The following FBXL7 variants were observed in gnomAD, a reference collection of about 807,000 sequenced individuals.
FBXL7 encodes the protein F-box and leucine rich repeat protein 7.
A neutral mutation model predicts 38.3 loss-of-function variants in FBXL7; 12 were observed. That is an observed-to-expected ratio of 0.31 (90% CI 0.20 to 0.51). FBXL7 has a LOEUF of 0.51. FBXL7 is among the 20% of genes least tolerant of loss of function. The probability of loss-of-function intolerance (pLI) is 0.98; values close to 1 mark genes in which losing one functional copy is unlikely to be tolerated. For missense variants in FBXL7, 567 were observed against 676.4 expected, an observed-to-expected ratio of 0.84 and a Z score of 1.79; for synonymous variants, 297 against 300.9, an observed-to-expected ratio of 0.99 and a Z score of 0.13.
At chr5:15,563,479 C>T (rs1026992567) in intron 1 of FBXL7, among the ~76,000 whole-genome samples, 2 of 152,082 alleles carry the variant, frequency 1.3e-5, no homozygotes, top group African/African-American at 4.8e-5. Flanking sequence ...GCTGCTAAAG[C>T]GTCTTTCACA....
intron 2 of FBXL7, among the ~76,000 whole-genome samples, chr5:15,658,582 G>A (rs561855756): frequency 2.1e-4 from 32 of 152,238 alleles, no homozygotes; most frequent in Non-Finnish European, 3.8e-4. Context: ...TGGGAGCATC[G>A]GGAGACTCAT....
chr5:15,806,332 A>G (rs370405918), intron 2 of FBXL7, among the ~76,000 whole-genome samples: 5 of 152,340 alleles, frequency 3.3e-5, no homozygotes, highest in East Asian at 1.9e-4. Context: ...TTTGTGGATG[A>G]TTCATCTCAA....
intron 2 of FBXL7, among the ~76,000 whole-genome samples, chr5:15,725,609 A>G (rs1192169982): frequency 5.9e-5 from 9 of 152,112 alleles, no homozygotes; most frequent in Admixed American, 5.9e-4. Context: ...AAGAATGTGT[A>G]TGCTGTTAAT....
chr5:15,850,705 C>T (rs982393103), intron 2 of FBXL7, among the ~76,000 whole-genome samples: 1 of 152,152 alleles, frequency 6.6e-6, no homozygotes, highest in African/African-American at 2.4e-5. Flanking sequence ...CGGACATGTT[C>T]CCATTACCCA....
At chr5:15,851,089 T>C (rs1472626968) in intron 2 of FBXL7, among the ~76,000 whole-genome samples, 3 of 152,158 alleles carry the variant, frequency 2.0e-5, no homozygotes, top group Non-Finnish European at 4.4e-5. Flanking sequence ...CAGCATTGCT[T>C]GTGGAGCTAT....
At position 15,831,477 on chromosome 5, in the gene FBXL7, G is replaced by A. The variant is rs765443902; in HGVS notation, c.128-96413G>A. Among the ~76,000 whole-genome samples the A allele has an allele frequency of 1.4e-4, 22 of 152,162 alleles. 1 individual carries two copies. The highest frequency in any genetic ancestry group is 2.7e-4 in the African/African-American group (11 of 41,440). ...CAACAGCTAGCTAGCCTCACAGGGC[G>A]TCAGTATGATTCCCGGGAAAGAGGT... On this transcript the variant is annotated intron_variant, in intron 2 of 3. Transcript: ENST00000504595.
intron 1 of FBXL7, among the ~76,000 whole-genome samples, chr5:15,604,815 C>T (rs1739951974): frequency 6.6e-6 from 1 of 152,086 alleles, no homozygotes; most frequent in Non-Finnish European, 1.5e-5. Flanking sequence ...CGGCTCTCTC[C>T]ATCTCAGTTG....
intron 2 of FBXL7, among the ~76,000 whole-genome samples, chr5:15,923,132 T>C (rs1006022664): frequency 6.6e-6 from 1 of 152,256 alleles, no homozygotes; most frequent in African/African-American, 2.4e-5. Context: ...GTCTCTGATG[T>C]TCTCCTCTCT....
chr5:15,834,662 G>A lies in FBXL7; in HGVS notation c.128-93228G>A, dbSNP rs571112278. 2.1e-4 allele frequency among the ~76,000 whole-genome samples: 32 copies of A among 152,282 alleles called. No individual in the cohort carries two copies. The South Asian group carries it at 6.6e-3, about 32-fold the overall frequency. Reference sequence around the variant, plus strand: ...GCACATCTTTCTGATTATAAATCCCGTGGCCTTAACTGGCTTCTCTTCAAG... The same window carrying A: ...GCACATCTTTCTGATTATAAATCCCATGGCCTTAACTGGCTTCTCTTCAAG... On this transcript the variant is annotated intron_variant, in intron 2 of 3. Coordinates refer to ENST00000504595, the MANE Select transcript of FBXL7 (RefSeq NM_012304.5).
intron 2 of FBXL7, among the ~76,000 whole-genome samples, chr5:15,922,701 A>C (rs1239082770): frequency 6.6e-6 from 1 of 152,214 alleles, no homozygotes; most frequent in Non-Finnish European, 1.5e-5. Context: ...GCAGTGTTGT[A>C]GCATTCTTCC....
intron 2 of FBXL7, among the ~76,000 whole-genome samples, chr5:15,893,082 C>T (rs999851199): frequency 6.6e-6 from 1 of 150,406 alleles, no homozygotes; most frequent in Non-Finnish European, 1.5e-5. Flanking sequence ...CGCCACTGCA[C>T]TCCAGCCTGG....
chr5:15,797,883 A>C (rs1737458439), intron 2 of FBXL7, among the ~76,000 whole-genome samples: 1 of 152,214 alleles, frequency 6.6e-6, no homozygotes, highest in South Asian at 2.1e-4. Context: ...ACTTGAAGTC[A>C]TCTCAGTCAT....
intron 2 of FBXL7, among the ~76,000 whole-genome samples, chr5:15,643,133 A>G (rs1041481202): frequency 1.3e-5 from 2 of 152,224 alleles, no homozygotes; most frequent in Non-Finnish European, 2.9e-5. Flanking sequence ...AGACAGCTCA[A>G]GTTATGTAAA....
chr5:15,895,938 C>T lies in FBXL7; in HGVS notation c.128-31952C>T, dbSNP rs566428492. Among the ~76,000 whole-genome samples the T allele has an allele frequency of 5.3e-5, 8 of 151,936 alleles. No homozygotes were observed. In the South Asian group the frequency reaches 1.2e-3, roughly 24 times the overall value. ...GGATTACAGGCGTGAGCCACCGGCC[C>T]GGCCCCTTTTTCATACTTTTAAACC... On this transcript the variant is annotated intron_variant, in intron 2 of 3. Transcript: ENST00000504595.
chr5:15,601,959 A>C (rs1056980781), intron 1 of FBXL7, among the ~76,000 whole-genome samples: 5 of 152,126 alleles, frequency 3.3e-5, no homozygotes, highest in African/African-American at 1.2e-4. Flanking sequence ...CCCTTGATCT[A>C]ATATGACTGA....
intron 2 of FBXL7, among the ~76,000 whole-genome samples, chr5:15,780,891 CA>C (rs1192980012): frequency 6.6e-6 from 1 of 152,152 alleles, no homozygotes; most frequent in East Asian, 1.9e-4. Context: ...ACCACACAGC[CA>C]GGAAAATTCT....
At chr5:15,832,534 TAC>T (rs1464956857) in intron 2 of FBXL7, among the ~76,000 whole-genome samples, 2 of 152,180 alleles carry the variant, frequency 1.3e-5, no homozygotes, top group Non-Finnish European at 2.9e-5. Context: ...ACCTTCTTAA[TAC>T]AAGGCATTTG....
At chr5:15,838,771 T>C (rs753701770) in intron 2 of FBXL7, among the ~76,000 whole-genome samples, 45 of 152,162 alleles carry the variant, frequency 3.0e-4, no homozygotes, top group Non-Finnish European at 1.0e-4. Context: ...CCATTCAAAA[T>C]GCTCTTCTTC....
intron 2 of FBXL7, among the ~76,000 whole-genome samples, chr5:15,741,704 C>T (rs1735897733): frequency 6.6e-6 from 1 of 152,124 alleles, no homozygotes; most frequent in Non-Finnish European, 1.5e-5. Flanking sequence ...AGGAAAATAT[C>T]GTATAGTCCA....
Sources: gnomAD v4.1 joint callset for allele counts (sites outside exome capture counted in the v4.1 genomes callset) on GRCh38, gnomAD v4.1.1 for gene constraint, MANE v1.5 for transcripts, NCBI Gene and HGNC (gene_info 2026-07-23, HGNC 2026-07-21) for gene names.